Variants in ATP9B observed in about 807,000 individuals in gnomAD.
The protein encoded by ATP9B is probable phospholipid-transporting ATPase IIB.
Under a neutral mutation model 146.1 loss-of-function variants are expected in ATP9B, and 110 were observed. That is an observed-to-expected ratio of 0.75 (90% confidence interval 0.65 to 0.88). The LOEUF is 0.88. ATP9B is among the 40% of genes least tolerant of loss of function. ATP9B has a pLI of 0.00. For synonymous variants in ATP9B, 604 were observed against 569.7 expected (o/e 1.06, Z -0.86); for missense variants, 1,499 against 1,496.4 (o/e 1.00, Z -0.03).
chr18:79,317,365 C>T (rs554356822), intron 15 of ATP9B, among the ~76,000 whole-genome samples: 2 of 151,900 alleles, frequency 1.3e-5, no homozygotes, highest in South Asian at 4.2e-4. Flanking sequence ...AAAGATAAGC[C>T]AGAGACTTGT....
At chr18:79,332,703 T>C (rs932740132) in intron 17 of ATP9B, 1 of 152,170 alleles carries the variant, frequency 6.6e-6, no homozygotes. Context: ...TTCAAACCCA[T>C]GTTGTTTAAG....
intron 4 of ATP9B, among the ~76,000 whole-genome samples, chr18:79,125,163 A>G (rs1468346734): frequency 6.6e-6 from 1 of 152,158 alleles, no homozygotes; most frequent in Non-Finnish European, 1.5e-5. Context: ...GATGGTGCAG[A>G]GTGCAGACTA....
chr18:79,230,614 G>C (rs971020597), intron 11 of ATP9B, among the ~76,000 whole-genome samples: 1 of 152,076 alleles, frequency 6.6e-6, no homozygotes, highest in Admixed American at 6.6e-5. Context: ...TCATGGATGG[G>C]TAGAATCAAT....
intron 11 of ATP9B, among the ~76,000 whole-genome samples, chr18:79,214,920 G>C (rs560059315): frequency 6.6e-6 from 1 of 152,280 alleles, no homozygotes; most frequent in East Asian, 1.9e-4. Flanking sequence ...GGCTGAGGCA[G>C]GTGGGTCACT....
chr18:79,159,937 G>T (rs562451449), intron 7 of ATP9B, among the ~76,000 whole-genome samples: 61 of 152,282 alleles, frequency 4.0e-4, no homozygotes, highest in African/African-American at 1.4e-3. Context: ...AGAGCCTGAT[G>T]GGAGGTAGGT....
chr18:79,138,802 C>T (rs952544743), intron 5 of ATP9B, among the ~76,000 whole-genome samples: 2 of 146,990 alleles, frequency 1.4e-5, no homozygotes, highest in East Asian at 2.1e-4. Flanking sequence ...CAGTATTGGC[C>T]GGGTGTGGTG....
intron 9 of ATP9B, among the ~76,000 whole-genome samples, chr18:79,200,518 A>G (rs2095459170): frequency 6.6e-6 from 1 of 152,218 alleles, no homozygotes; most frequent in African/African-American, 2.4e-5. Context: ...TAGCTTACCC[A>G]GTGCACACAG....
intron 13 of ATP9B, among the ~76,000 whole-genome samples, chr18:79,285,263 C>T (rs909161555): frequency 3.2e-4 from 48 of 151,766 alleles, no homozygotes; most frequent in Non-Finnish European, 4.3e-4. Context: ...CCTATTTCTC[C>T]ACATCCTCTC....
chr18:79,222,307 C>T lies in ATP9B; in HGVS notation c.1107+8269C>T, dbSNP rs146681042. Among the ~76,000 whole-genome samples, 290 of 151,680 alleles carry T rather than the reference C, an allele frequency of 1.9e-3. 3 individuals are homozygous for T. In the East Asian group the frequency reaches 0.055, roughly 29 times the overall value. ...CCAGGAAGTGGAGGTTGCAGTGAGC[C>T]GAGACCGCACCACTGCACTCCAGCC... On this transcript the variant is annotated intron_variant, in intron 11 of 29. Transcript: ENST00000426216.
intron 11 of ATP9B, among the ~76,000 whole-genome samples, chr18:79,218,571 T>C (rs1362238686): frequency 1.4e-5 from 2 of 143,442 alleles, no homozygotes; most frequent in African/African-American, 2.6e-5. Flanking sequence ...GCAGCTCCTG[T>C]TGGTCATGTT....
intron 2 of ATP9B, among the ~76,000 whole-genome samples, chr18:79,097,439 T>C (rs2074886003): frequency 6.6e-6 from 1 of 151,740 alleles, no homozygotes; most frequent in South Asian, 2.1e-4. Context: ...CTTCAGTGTG[T>C]ATTTTCTAAG....
intron 1 of ATP9B, among the ~76,000 whole-genome samples, chr18:79,072,056 A>G (rs2071916050): frequency 6.6e-6 from 1 of 151,270 alleles, no homozygotes; most frequent in Non-Finnish European, 1.5e-5. Flanking sequence ...GTGTTTCATA[A>G]TTTCCTTAGG....
chr18:79,359,785 A>T (rs1405079735), intron 26 of ATP9B: 1 of 293,648 alleles, frequency 3.4e-6, no homozygotes, highest in Non-Finnish European at 6.8e-6. Flanking sequence ...CAAATGTCAG[A>T]GAAGATCTCA....
rs1568482653 is a variant in ATP9B at position 79,245,587 on chromosome 18, G to GCCCTACTGACTGTGCGGAGGGCACCA, written c.1108-7789_1108-7788insCTGACTGTGCGGAGGGCACCACCCTA. Reference sequence around the variant, plus strand: ...CCCTACTGACTGTGCGGAGGGCACCGCCCTAATGACTGTGCGGAGGGTACC... The same window carrying GCCCTACTGACTGTGCGGAGGGCACCA: ...CCCTACTGACTGTGCGGAGGGCACCGCCCTACTGACTGTGCGGAGGGCACCACCCTAATGACTGTGCGGAGGGTACC... On this transcript the variant is annotated intron_variant, in intron 11 of 29. Transcript: ENST00000426216. Among the ~76,000 whole-genome samples, 517 of 139,254 alleles carry GCCCTACTGACTGTGCGGAGGGCACCA rather than the reference G, an allele frequency of 3.7e-3. 8 individuals carry two copies. The highest frequency in any genetic ancestry group is 0.013 in the African/African-American group (468 of 37,270). 91.4% of individuals were successfully genotyped at this position (139,254 alleles called of 152,430 possible). A position where few individuals can be genotyped will look rare whatever the true frequency, so the allele number is the denominator to read the frequency against.
At chr18:79,376,725 T>C in intron 29 of ATP9B, among the ~76,000 whole-genome samples, 1 of 141,968 alleles carries the variant, frequency 7.0e-6, no homozygotes, top group Non-Finnish European at 1.5e-5. Context: ...AGATGGAGTC[T>C]CACTCTGTCC....
intron 15 of ATP9B, among the ~76,000 whole-genome samples, chr18:79,323,156 G>A (rs1455156670): frequency 3.3e-5 from 5 of 149,858 alleles, no homozygotes; most frequent in African/African-American, 4.9e-5. Flanking sequence ...TCGTTGCTTC[G>A]CGTTAGTAAT....
At chr18:79,135,536 C>T (rs975076617) in intron 5 of ATP9B, among the ~76,000 whole-genome samples, 1 of 152,080 alleles carries the variant, frequency 6.6e-6, no homozygotes, top group Admixed American at 6.5e-5. Context: ...GCAGTTAGGC[C>T]CCTCTTTCCG....
chr18:79,099,830 T>C (rs1486140676), intron 2 of ATP9B, among the ~76,000 whole-genome samples: 5 of 152,066 alleles, frequency 3.3e-5, no homozygotes, highest in African/African-American at 7.2e-5. Flanking sequence ...AATATACTTA[T>C]AATTTTAAAA....
intron 5 of ATP9B, among the ~76,000 whole-genome samples, chr18:79,136,444 T>C (rs2094448411): frequency 6.6e-6 from 1 of 152,172 alleles, no homozygotes; most frequent in Non-Finnish European, 1.5e-5. Context: ...ATTTTCTTTA[T>C]TTTTTTATGC....
Sources: gnomAD v4.1 joint callset for allele counts (sites outside exome capture counted in the v4.1 genomes callset) on GRCh38, gnomAD v4.1.1 for gene constraint, MANE v1.5 for transcripts, NCBI Gene and HGNC (gene_info 2026-07-23, HGNC 2026-07-21) for gene names.